The following LAMA3 variants were observed in gnomAD, a reference collection of about 807,000 sequenced individuals.
LAMA3 encodes laminin subunit alpha-3.
In LAMA3, 281 loss-of-function variants were observed where a neutral mutation model predicts 402.0. The ratio of observed to expected loss-of-function variants is 0.70; its 90% CI spans 0.63 to 0.77. LAMA3 has a LOEUF of 0.77. Ranked by LOEUF, LAMA3 falls within the 30% of genes least tolerant of loss-of-function variation. The probability of loss-of-function intolerance (pLI) is 0.00; values close to 1 mark genes in which losing one functional copy is unlikely to be tolerated. For missense variants in LAMA3, 3,840 were observed against 4,215.5 expected (o/e 0.91, Z 2.47); for synonymous variants, 1,431 against 1,558.4 (o/e 0.92, Z 1.93).
At chr18:23,883,695 A>G (rs888864046) in intron 40 of LAMA3, among the ~76,000 whole-genome samples, 1 of 152,182 alleles carries the variant, frequency 6.6e-6, no homozygotes, top group Non-Finnish European at 1.5e-5. Context: ...CAATCACATG[A>G]GCTTGCCCAG....
At chr18:23,773,458 C>G (rs990138351) in intron 8 of LAMA3, 39 bp from the exon 9 acceptor site, 20 of 1,299,488 alleles carry the variant, frequency 1.5e-5, no homozygotes, top group Middle Eastern at 3.6e-4. Flanking sequence ...ATCGTCTTCC[C>G]CAGAACCCTT....
intron 2 of LAMA3, 21 bp downstream of exon 2, chr18:23,714,093 G>T (rs749695453): frequency 1.2e-6 from 2 of 1,608,394 alleles, no homozygotes; most frequent in Non-Finnish European, 1.7e-6. Flanking sequence ...CTTTTAACTG[G>T]AATGGGAACA....
At chr18:23,935,260 A>C (rs1238822023) in intron 67 of LAMA3, among the ~76,000 whole-genome samples, 1 of 152,224 alleles carries the variant, frequency 6.6e-6, no homozygotes. Context: ...CTCCATGGAG[A>C]TAGGAGAAGG....
chr18:23,819,521 A>G (rs1439183459), intron 18 of LAMA3, among the ~76,000 whole-genome samples: 4 of 152,230 alleles, frequency 2.6e-5, no homozygotes, highest in African/African-American at 9.6e-5. Context: ...AATAAACAGT[A>G]AATAACCTAA....
intron 1 of LAMA3, among the ~76,000 whole-genome samples, chr18:23,696,698 C>T (rs1016139295): frequency 2.0e-5 from 3 of 152,192 alleles, no homozygotes; most frequent in African/African-American, 4.8e-5. Flanking sequence ...ATGGGTTTCA[C>T]CATGTTGCCT....
chr18:23,738,241 C>T (rs993439087), intron 2 of LAMA3, among the ~76,000 whole-genome samples: 10 of 151,612 alleles, frequency 6.6e-5, no homozygotes, highest in East Asian at 1.9e-4. Flanking sequence ...GAAGGAGAGG[C>T]GTTTTCTTTG....
intron 12 of LAMA3, among the ~76,000 whole-genome samples, chr18:23,790,906 T>C (rs8086771): frequency 6.9e-6 from 1 of 144,740 alleles, no homozygotes; most frequent in African/African-American, 2.6e-5. Context: ...TTTTTTTTTT[T>C]AAGACAGAGT....
chr18:23,694,662 G>A (rs183685486), intron 1 of LAMA3, among the ~76,000 whole-genome samples: 1 of 152,304 alleles, frequency 6.6e-6, no homozygotes, highest in African/African-American at 2.4e-5. Context: ...CAGAATTCAC[G>A]CTCTTACCCG....
chr18:23,712,434 T>G (rs2061010634), intron 1 of LAMA3, among the ~76,000 whole-genome samples: 1 of 151,438 alleles, frequency 6.6e-6, no homozygotes, highest in African/African-American at 2.4e-5. Context: ...CAATGCATTT[T>G]ATAGAAAGAA....
chr18:23,904,640 A>C lies in LAMA3; in HGVS notation c.6561A>C (p.Lys2187Asn), dbSNP rs2081184697. 6.2e-7 allele frequency: 1 copy of C among 1,613,862 alleles called. No individual in the cohort carries two copies. The highest frequency in any genetic ancestry group is 1.1e-5 in the South Asian group (1 of 91,042). The change falls in exon 51 of 75, where the codon AAA (lysine) becomes AAC (asparagine). Residue 2187 changes from lysine (K) to asparagine (N), a missense_variant. By Grantham distance (94) the Lys-to-Asn change is moderately conservative. Coordinates refer to ENST00000313654, the MANE Select transcript of LAMA3 (RefSeq NM_198129.4). ...ACGAGAACATCCTCAATGCCATCAA[A>C]GCGGCCGAGGACGCAGCCAACAGGG... ...TAYENILNAI[K>N]AAEDAANRAA... is the part of the protein sequence containing the mutation.
At position 23,943,893 on chromosome 18, in the gene LAMA3, G is replaced by C. The variant is rs771963514; in HGVS notation, c.9132G>C (p.Leu3044=). ...CTCTTTATCTTTCAAAAGGACGTCT[G>C]GTCTTTGCACTGGGGACAGATGGGA... ...FMALYLSKGR[L]VFALGTDGKK... Residue 3044 remains leucine, a synonymous_variant, in exon 69 of 75, where the codon CTG becomes CTC. Transcript: ENST00000313654. The C allele has an allele frequency of 2.5e-5, 40 of 1,613,960 alleles. No homozygotes were observed. The highest frequency in any genetic ancestry group is 3.3e-5 in the Non-Finnish European group (39 of 1,179,948).
In LAMA3 at chr18:23,716,647, A is replaced by T. The variant is rs534935238; in HGVS notation, c.447+2575A>T. On this transcript the variant is annotated intron_variant, in intron 2 of 74. Coordinates refer to ENST00000313654, the MANE Select transcript of LAMA3 (RefSeq NM_198129.4). The stretch of plus-strand genomic sequence containing the variant: ...CCCTAATTAAGACAATTAAGAAAAC[A>T]TCAACATAGGAACAGTTCAGTACTT... Among the ~76,000 whole-genome samples the T allele has an allele frequency of 3.9e-5, 6 of 152,312 alleles. No homozygotes were observed. In the East Asian group the frequency reaches 1.2e-3, roughly 29 times the overall value.
chr18:23,893,726 G>T (rs2080775143), intron 42 of LAMA3, among the ~76,000 whole-genome samples: 1 of 152,174 alleles, frequency 6.6e-6, no homozygotes, highest in Non-Finnish European at 1.5e-5. Context: ...CGTGTTTCAT[G>T]GGACTGTTAA....
At chr18:23,869,669 T>C (rs1299668494) in intron 37 of LAMA3, among the ~76,000 whole-genome samples, 1 of 152,260 alleles carries the variant, frequency 6.6e-6, no homozygotes, top group Non-Finnish European at 1.5e-5. Flanking sequence ...TCATTTAATT[T>C]ACCTTAATTA....
At chr18:23,855,423 C>T (rs1435696775) in intron 32 of LAMA3, among the ~76,000 whole-genome samples, 5 of 152,220 alleles carry the variant, frequency 3.3e-5, no homozygotes, top group African/African-American at 1.2e-4. Flanking sequence ...GCTCTCTCTT[C>T]TTTCCGGTCT....
At chr18:23,829,982 C>T (rs59935991) in intron 23 of LAMA3, among the ~76,000 whole-genome samples, 5,216 of 152,222 alleles carry the variant, frequency 0.034, 279 homozygotes, top group African/African-American at 0.12. Flanking sequence ...AAATGTGCCT[C>T]GATCTGGCCG....
rs2064814623 is a variant in LAMA3 at position 23,879,042 on chromosome 18, A to T, written c.5112+2635A>T. 7.5e-6 allele frequency among the ~76,000 whole-genome samples: 1 copy of T among 133,220 alleles called. No individual in the cohort carries two copies. The highest frequency in any genetic ancestry group is 2.9e-5 in the African/African-American group (1 of 34,586). The allele number at this position is 133,220 out of a possible 152,430, so 87.4% of individuals were successfully genotyped here. A position where few individuals can be genotyped will look rare whatever the true frequency, so the allele number is the denominator to read the frequency against. On this transcript the variant is annotated intron_variant, in intron 39 of 74. Coordinates refer to ENST00000313654, the MANE Select transcript of LAMA3 (RefSeq NM_198129.4). This position sits in a 1 kb window ranked among gnomAD's most constrained non-coding sequence, Gnocchi z 4.2. ...ACCCCTTATTTTCCTCTCCGTTCCT[A>T]TTTCCCTCCCCTTTTCTTTTTCTGT...
chr18:23,856,398 A>G (rs773172257), intron 32 of LAMA3, among the ~76,000 whole-genome samples: 5 of 152,232 alleles, frequency 3.3e-5, no homozygotes, highest in Non-Finnish European at 7.3e-5. Context: ...GTTATTGCCT[A>G]TATGCCAATA....
chr18:23,912,952 TGGCAC>T, intron 56 of LAMA3, 71 bp downstream of exon 56: 1 of 1,376,728 alleles, frequency 7.3e-7, no homozygotes, highest in Non-Finnish European at 1.0e-6. Flanking sequence ...TTGAGATGTG[TGGCAC>T]GGCTGCATCA....
Sources: gnomAD v4.1 joint callset for allele counts (sites outside exome capture counted in the v4.1 genomes callset) on GRCh38, gnomAD v4.1.1 for gene constraint, Gnocchi (gnomAD v3.1) non-coding constraint, MANE v1.5 for transcripts, NCBI Gene and HGNC (gene_info 2026-07-23, HGNC 2026-07-21) for gene names.